MAD1L1: variants seen among roughly 807,000 people sequenced by gnomAD.
MAD1L1 encodes mitotic arrest deficient 1 like 1, also known as mitotic spindle assembly checkpoint protein MAD1.
MAD1L1 carries 95 observed loss-of-function variants against 96.9 expected under a neutral mutation model. The ratio of observed to expected loss-of-function variants is 0.98; its 90% confidence interval spans 0.83 to 1.16. The LOEUF is 1.16. Ranked by LOEUF, MAD1L1 falls within the 50% of genes most tolerant of loss-of-function variation. The pLI is 0.00. For synonymous variants in MAD1L1, 473 were observed against 396.6 expected (o/e 1.19, Z -2.29); for missense variants, 1,007 against 954.4 (o/e 1.06, Z -0.73).
At chr7:1,963,921 C>G (rs1780053808) in intron 15 of MAD1L1, among the ~76,000 whole-genome samples, 1 of 152,214 alleles carries the variant, frequency 6.6e-6, no homozygotes, top group African/African-American at 2.4e-5. Flanking sequence ...GCACACACCT[C>G]CGGCACCAGC....
At chr7:2,033,697 A>G (rs1783334442) in intron 12 of MAD1L1, among the ~76,000 whole-genome samples, 1 of 152,260 alleles carries the variant, frequency 6.6e-6, no homozygotes, top group African/African-American at 2.4e-5. Flanking sequence ...TGAGGCCATG[A>G]GGGCTGCACG....
At chr7:1,982,238 CAG>C (rs1470230490) in intron 14 of MAD1L1, among the ~76,000 whole-genome samples, 4 of 151,964 alleles carry the variant, frequency 2.6e-5, no homozygotes, top group African/African-American at 9.7e-5. Flanking sequence ...TATTCTGAGA[CAG>C]AGTCTCGCTG....
intron 11 of MAD1L1, among the ~76,000 whole-genome samples, chr7:2,102,214 CCGCCACCGT>C (rs893633849): frequency 3.3e-5 from 5 of 151,362 alleles, no homozygotes; most frequent in African/African-American, 1.2e-4. Context: ...ACCGTCACCA[CCGCCACCGT>C]CGCCACCGCC....
At chr7:2,038,406 A>T (rs1308667369) in intron 12 of MAD1L1, among the ~76,000 whole-genome samples, 1 of 148,810 alleles carries the variant, frequency 6.7e-6, no homozygotes, top group Non-Finnish European at 1.5e-5. Flanking sequence ...GATGCCGTCT[A>T]GGGCTTTTAC....
At chr7:1,983,552 T>C (rs895637837) in intron 14 of MAD1L1, among the ~76,000 whole-genome samples, 1 of 152,280 alleles carries the variant, frequency 6.6e-6, no homozygotes, top group African/African-American at 2.4e-5. Flanking sequence ...TAATTCTTTT[T>C]ATAGAAATCA....
chr7:2,103,718 G>C lies in MAD1L1; in HGVS notation c.1074-34380C>G, dbSNP rs995625177. Among the ~76,000 whole-genome samples the C allele has an allele frequency of 6.6e-6, 1 of 152,200 alleles. No individual in the cohort carries two copies. Among genetic ancestry groups the C allele is most frequent in the East Asian group, 1.9e-4 (1 of 5,188 alleles). On this transcript the variant is annotated intron_variant, in intron 11 of 18. Coordinates refer to ENST00000265854, the MANE Select transcript of MAD1L1 (RefSeq NM_001013836.2). This position sits in a 1 kb window ranked among gnomAD's most constrained non-coding sequence, Gnocchi z 4.3. ...AGGGAGGCGGCTACTCAGAGGGCAG[G>C]TGCTGTCCTCCTCCCTGCCCAGATC...
chr7:2,165,307 G>A (rs538227835), intron 10 of MAD1L1, among the ~76,000 whole-genome samples: 1 of 152,242 alleles, frequency 6.6e-6, no homozygotes, highest in Non-Finnish European at 1.5e-5. Flanking sequence ...GGGCTGGACT[G>A]GGGGGACCCC....
At chr7:1,901,367 T>C (rs11771828) in intron 17 of MAD1L1, among the ~76,000 whole-genome samples, 23,261 of 152,272 alleles carry the variant, frequency 0.15, 2,214 homozygotes, top group South Asian at 0.28. Context: ...GGGGTTCCTC[T>C]GGACTGGGTT....
chr7:2,037,746 G>A lies in MAD1L1; in HGVS notation c.1219-23104C>T, dbSNP rs1226660275. Among the ~76,000 whole-genome samples the A allele has an allele frequency of 7.9e-5, 12 of 152,068 alleles. 1 individual carries two copies. Among genetic ancestry groups the A allele is most frequent in the Non-Finnish European group, 1.5e-5 (1 of 68,016 alleles). The stretch of plus-strand genomic sequence containing the variant: ...TCACCGACCAACGCTGCTTGTGTCT[G>A]GCTGCTTCACTGACCAGCCATCTCC... On this transcript the variant is annotated intron_variant, in intron 12 of 18. Coordinates refer to ENST00000265854, the MANE Select transcript of MAD1L1 (RefSeq NM_001013836.2).
chr7:2,036,969 C>G (rs562473189), intron 12 of MAD1L1, among the ~76,000 whole-genome samples: 2 of 152,226 alleles, frequency 1.3e-5, no homozygotes, highest in Admixed American at 6.5e-5. Flanking sequence ...CAGCACTCCT[C>G]CCACAGCTCC....
chr7:2,075,646 G>A (rs1463479865), intron 11 of MAD1L1, among the ~76,000 whole-genome samples: 1 of 152,134 alleles, frequency 6.6e-6, no homozygotes, highest in Non-Finnish European at 1.5e-5. Context: ...CTGAGCTTCT[G>A]AGCATCCATC....
intron 18 of MAD1L1, among the ~76,000 whole-genome samples, chr7:1,862,666 C>T (rs1307578544): frequency 2.6e-5 from 4 of 152,272 alleles, no homozygotes; most frequent in African/African-American, 7.2e-5. Context: ...TAACGGTCTG[C>T]CTACAGGCCT....
chr7:2,174,599 T>TC (rs1315037828), intron 10 of MAD1L1, among the ~76,000 whole-genome samples: 3 of 152,190 alleles, frequency 2.0e-5, no homozygotes, highest in Non-Finnish European at 4.4e-5. Context: ...TCCTGTTTGA[T>TC]CTTTTTTTTC....
At chr7:2,231,770 C>T (rs554174675) in intron 1 of MAD1L1, among the ~76,000 whole-genome samples, 10 of 152,134 alleles carry the variant, frequency 6.6e-5, no homozygotes, top group Non-Finnish European at 1.2e-4. Flanking sequence ...AACTAGGTAT[C>T]AGAAAGAAAG....
intron 18 of MAD1L1, among the ~76,000 whole-genome samples, chr7:1,897,890 C>G (rs933784512): frequency 6.6e-6 from 1 of 152,234 alleles, no homozygotes; most frequent in Admixed American, 6.5e-5. Context: ...CTGACACACA[C>G]GCCTACGGCC....
intron 10 of MAD1L1, among the ~76,000 whole-genome samples, chr7:2,152,699 G>A (rs907683501): frequency 6.6e-6 from 1 of 152,308 alleles, no homozygotes; most frequent in East Asian, 1.9e-4. Flanking sequence ...GCTCGGCTGG[G>A]CTTCCTAAGG....
At chr7:2,171,423 T>G (rs898343484) in intron 10 of MAD1L1, among the ~76,000 whole-genome samples, 1 of 152,194 alleles carries the variant, frequency 6.6e-6, no homozygotes, top group Non-Finnish European at 1.5e-5. Context: ...CCCCCGGAAG[T>G]GCTTGGCGGA....
intron 16 of MAD1L1, among the ~76,000 whole-genome samples, chr7:1,955,172 A>G (rs1779671203): frequency 6.6e-6 from 1 of 152,248 alleles, no homozygotes; most frequent in East Asian, 1.9e-4. Flanking sequence ...CTCCAAGCAT[A>G]TGTTCCCAAT....
rs1431808609 is a variant in MAD1L1 at position 1,870,839 on chromosome 7, C to T, written c.1998+27361G>A. ...GCTGAACCGACCATAACACCTGCCA[C>T]GCTGAACCGACCATAACACCTGCCA... On this transcript the variant is annotated intron_variant, in intron 18 of 18. Coordinates refer to ENST00000265854, the MANE Select transcript of MAD1L1 (RefSeq NM_001013836.2). Among the ~76,000 whole-genome samples, 8 of 107,280 alleles carry T rather than the reference C, an allele frequency of 7.5e-5. 1 individual carries two copies. Among genetic ancestry groups the T allele is most frequent in the Non-Finnish European group, 9.1e-5 (5 of 54,692 alleles). The allele number at this position is 107,280 out of a possible 152,430, so 70.4% of individuals were successfully genotyped here.
Sources: gnomAD v4.1 joint callset for allele counts (sites outside exome capture counted in the v4.1 genomes callset) on GRCh38, gnomAD v4.1.1 for gene constraint, Gnocchi (gnomAD v3.1) non-coding constraint, MANE v1.5 for transcripts, NCBI Gene and HGNC (gene_info 2026-07-23, HGNC 2026-07-21) for gene names.